TEC: variants seen among roughly 807,000 people sequenced by gnomAD.
The protein encoded by TEC is tyrosine-protein kinase Tec.
Under a neutral mutation model 93.0 loss-of-function variants are expected in TEC, and 72 were observed. That is an observed-to-expected ratio of 0.77 (90% CI 0.64 to 0.94). TEC has a LOEUF of 0.94. TEC is among the 40% of genes least tolerant of loss of function. TEC has a pLI of 0.00. For synonymous variants in TEC, 249 were observed against 247.7 expected (o/e 1.01, Z -0.05); for missense variants, 630 against 757.9 (o/e 0.83, Z 1.98).
At chr4:48,156,781 T>C (rs1577706535) in intron 8 of TEC, 47 bp from the exon 9 acceptor site, 1 of 1,476,910 alleles carries the variant, frequency 6.8e-7, no homozygotes, top group Non-Finnish European at 9.2e-7. Context: ...TTTTAGGATA[T>C]ATTTTATTCT....
At chr4:48,155,053 T>A (rs1427319109) in intron 9 of TEC, among the ~76,000 whole-genome samples, 2 of 152,158 alleles carry the variant, frequency 1.3e-5, no homozygotes, top group East Asian at 3.8e-4. Context: ...CTAAAGCCTT[T>A]TGCACAACAG....
At chr4:48,234,706 C>G (rs1425469830) in intron 1 of TEC, among the ~76,000 whole-genome samples, 1 of 152,122 alleles carries the variant, frequency 6.6e-6, no homozygotes, top group African/African-American at 2.4e-5. Context: ...TAGTGATAAT[C>G]TTACTACCAA....
intron 2 of TEC, among the ~76,000 whole-genome samples, chr4:48,197,094 CA>C (rs1722324371): frequency 6.6e-6 from 1 of 152,184 alleles, no homozygotes; most frequent in South Asian, 2.1e-4. Flanking sequence ...GCCGGTTTGT[CA>C]GGCTGTCTTG....
In TEC at chr4:48,194,370, G is replaced by A. The variant is rs559062153; in HGVS notation, c.139-18184C>T. Among the ~76,000 whole-genome samples the A allele has an allele frequency of 9.8e-5, 15 of 152,342 alleles. No homozygotes were observed. In the East Asian group the frequency reaches 2.1e-3, roughly 22 times the overall value. On this transcript the variant is annotated intron_variant, in intron 2 of 17. Coordinates refer to ENST00000381501, the MANE Select transcript of TEC (RefSeq NM_003215.3). Reference sequence around the variant, plus strand: ...GAACTGAGCTTTGCTAGGGAACTGCGAAAGCAGAACATTAACCTGGTCTTT... The same window carrying A: ...GAACTGAGCTTTGCTAGGGAACTGCAAAAGCAGAACATTAACCTGGTCTTT...
At chr4:48,185,806 ATCTCCCTCCCCCTCCCCCTCTCCC>A (rs1721802823) in intron 2 of TEC, among the ~76,000 whole-genome samples, 1 of 36,974 alleles carries the variant, frequency 2.7e-5, no homozygotes, top group South Asian at 1.2e-3. Context: ...CCCCTCTCCC[ATCTCCCTCCCCCTCCCCCTCTCCC>A]ATCTCCCTCT....
At chr4:48,165,233 T>C (rs1720831623) in intron 7 of TEC, among the ~76,000 whole-genome samples, 1 of 152,182 alleles carries the variant, frequency 6.6e-6, no homozygotes, top group South Asian at 2.1e-4. Flanking sequence ...TAAGTATCCA[T>C]AATAACACTA....
intron 2 of TEC, among the ~76,000 whole-genome samples, chr4:48,180,142 G>A (rs73244495): frequency 0.076 from 11,628 of 152,072 alleles, 532 homozygotes; most frequent in South Asian, 0.13. Flanking sequence ...TTAGGCTGGT[G>A]CAAAAGTAAT....
At chr4:48,151,612 G>A (rs552196553) in intron 9 of TEC, among the ~76,000 whole-genome samples, 8 of 152,200 alleles carry the variant, frequency 5.3e-5, no homozygotes, top group African/African-American at 9.6e-5. Flanking sequence ...TCAGCCTCCC[G>A]AGTAGCTGGA....
intron 7 of TEC, among the ~76,000 whole-genome samples, chr4:48,164,266 A>G (rs1720790305): frequency 6.6e-6 from 1 of 152,200 alleles, no homozygotes; most frequent in South Asian, 2.1e-4. Flanking sequence ...TTCACAAAGG[A>G]TAATTCCTGG....
At chr4:48,157,245 C>T (rs1720440142) in intron 8 of TEC, among the ~76,000 whole-genome samples, 1 of 152,184 alleles carries the variant, frequency 6.6e-6, no homozygotes, top group Admixed American at 6.5e-5. Flanking sequence ...CCAAGCCCTC[C>T]TCCTATCAAT....
At chr4:48,146,489 C>G in intron 11 of TEC, 90 bp from the exon 12 acceptor site, 2 of 1,121,742 alleles carry the variant, frequency 1.8e-6, no homozygotes, top group African/African-American at 1.5e-5. Flanking sequence ...GAAAATTCAT[C>G]ATTTATTCAT....
At chr4:48,254,068 T>C (rs577629459) in intron 1 of TEC, among the ~76,000 whole-genome samples, 1 of 152,292 alleles carries the variant, frequency 6.6e-6, no homozygotes, top group Admixed American at 6.5e-5. Context: ...TCATACGTAA[T>C]CTCTTTTATG....
At chr4:48,264,179 C>T (rs184450491) in intron 1 of TEC, among the ~76,000 whole-genome samples, 1 of 152,116 alleles carries the variant, frequency 6.6e-6, no homozygotes, top group Non-Finnish European at 1.5e-5. Flanking sequence ...CTGATTTACA[C>T]CATGGAATCT....
rs552404831 is a variant in TEC at position 48,157,507 on chromosome 4, C to A, written c.738-773G>T. 2.6e-4 allele frequency among the ~76,000 whole-genome samples: 39 copies of A among 152,268 alleles called. No homozygotes were observed. The South Asian group carries it at 6.4e-3, about 25-fold the overall frequency. ...CCCTGTGCCACATCCCAAGGCCCTGCCAATCTGCACCGCTTCTTCTTTTTT... is the reference window on the plus strand; with the variant it reads ...CCCTGTGCCACATCCCAAGGCCCTGACAATCTGCACCGCTTCTTCTTTTTT... On this transcript the variant is annotated intron_variant, in intron 8 of 17. Coordinates refer to ENST00000381501, the MANE Select transcript of TEC (RefSeq NM_003215.3).
At chr4:48,220,428 T>C (rs550711833) in intron 2 of TEC, among the ~76,000 whole-genome samples, 1 of 152,096 alleles carries the variant, frequency 6.6e-6, no homozygotes, top group East Asian at 2.0e-4. Flanking sequence ...GGTGCCCTCC[T>C]AGATGGTAAT....
intron 2 of TEC, among the ~76,000 whole-genome samples, chr4:48,206,987 C>A (rs1375643976): frequency 6.6e-6 from 1 of 151,764 alleles, no homozygotes; most frequent in African/African-American, 2.4e-5. Context: ...ACAAAAAAAC[C>A]CCACAAATAA....
intron 1 of TEC, among the ~76,000 whole-genome samples, chr4:48,261,934 G>A (rs1380776284): frequency 6.6e-6 from 1 of 151,396 alleles, no homozygotes; most frequent in Non-Finnish European, 1.5e-5. Context: ...GCCATTCTTT[G>A]TAGCCATAAA....
intron 1 of TEC, among the ~76,000 whole-genome samples, chr4:48,265,291 C>T (rs961125967): frequency 6.7e-6 from 1 of 150,012 alleles, no homozygotes; most frequent in African/African-American, 2.5e-5. Flanking sequence ...TATTTTTGGC[C>T]CAGTCAAAAA....
intron 14 of TEC, among the ~76,000 whole-genome samples, chr4:48,144,797 G>A (rs1215011937): frequency 6.6e-6 from 1 of 152,168 alleles, no homozygotes; most frequent in Non-Finnish European, 1.5e-5. Context: ...AAGAATGATG[G>A]TAAGAGAATC....
Sources: allele counts gnomAD v4.1 joint callset (sites outside exome capture counted in the v4.1 genomes callset), GRCh38; gene constraint gnomAD v4.1.1; transcripts MANE v1.5; gene names NCBI Gene and HGNC (gene_info 2026-07-23, HGNC 2026-07-21).